ADCYAP1R1: variants seen among roughly 807,000 people sequenced by gnomAD.
ADCYAP1R1 encodes ADCYAP receptor type I.
Under a neutral mutation model 67.6 loss-of-function variants are expected in ADCYAP1R1, and 44 were observed. That is an observed-to-expected ratio of 0.65 (90% CI 0.51 to 0.84). The LOEUF is 0.84. Ranked by LOEUF, ADCYAP1R1 falls within the 40% of genes least tolerant of loss-of-function variation. The pLI, the probability that ADCYAP1R1 is intolerant of heterozygous loss-of-function variation, is 0.00. For synonymous variants in ADCYAP1R1, 222 were observed against 219.6 expected, an observed-to-expected ratio of 1.01 and a Z score of -0.10; for missense variants, 477 against 587.9, an observed-to-expected ratio of 0.81 and a Z score of 1.95.
chr7:31,088,038 C>G, intron 12 of ADCYAP1R1, among the ~76,000 whole-genome samples: 1 of 152,202 alleles, frequency 6.6e-6, no homozygotes, highest in South Asian at 2.1e-4. Flanking sequence ...TGCAAAAACC[C>G]TTTAACAATT....
intron 3 of ADCYAP1R1, among the ~76,000 whole-genome samples, chr7:31,075,291 C>T (rs1795162827): frequency 6.6e-6 from 1 of 152,190 alleles, no homozygotes; most frequent in African/African-American, 2.4e-5. Flanking sequence ...ATTCTGAGAG[C>T]TTTGCACGTA....
chr7:31,078,010 C>A lies in ADCYAP1R1; in HGVS notation c.177C>A (p.Asp59Glu), dbSNP rs1795347850. The change falls in exon 4 of 16, where the codon GAC becomes GAA. Residue 59 changes from aspartate (D) to glutamate (E), a missense_variant. Coordinates refer to ENST00000304166, the MANE Select transcript of ADCYAP1R1 (RefSeq NM_001118.5). ...DSSPGCPGMW[D>E]NITCWKPAHV... is the part of the protein sequence containing the mutation. ...CCACAGGCTGTCCTGGGATGTGGGA[C>A]AACATCACGTGTTGGAAGCCCGCCC... is the stretch of plus-strand genomic sequence containing the variant. 2 of 1,611,596 alleles carry A rather than the reference C, an allele frequency of 1.2e-6. No individual in the cohort carries two copies. The highest frequency in any genetic ancestry group is 1.1e-5 in the South Asian group (1 of 90,620).
At chr7:31,070,732 G>T (rs527534782) in intron 3 of ADCYAP1R1, among the ~76,000 whole-genome samples, 3 of 152,164 alleles carry the variant, frequency 2.0e-5, no homozygotes, top group African/African-American at 4.8e-5. Flanking sequence ...CGTGAAGTCT[G>T]GTCATTCTAA....
intron 13 of ADCYAP1R1, among the ~76,000 whole-genome samples, chr7:31,101,923 C>T (rs961854850): frequency 6.6e-6 from 1 of 152,216 alleles, no homozygotes; most frequent in African/African-American, 2.4e-5. Flanking sequence ...GGTGGACACC[C>T]ACACTCATGG....
At chr7:31,070,561 A>G (rs919736002) in intron 3 of ADCYAP1R1, among the ~76,000 whole-genome samples, 1 of 152,192 alleles carries the variant, frequency 6.6e-6, no homozygotes, top group African/African-American at 2.4e-5. Flanking sequence ...AGGCTTCCCC[A>G]TCCTTAGAGC....
intron 15 of ADCYAP1R1, 131 bp from the exon 16 acceptor site, chr7:31,106,365 G>C: frequency 1.8e-5 from 21 of 1,137,392 alleles, no homozygotes; most frequent in Non-Finnish European, 2.4e-5. Context: ...AGGGCCGCAG[G>C]CTGCAACTGG....
chr7:31,085,508 C>CTCCAAGGGGATGCGTCAGG, intron 9 of ADCYAP1R1, 66 bp downstream of exon 9: 1 of 1,535,770 alleles, frequency 6.5e-7, no homozygotes, highest in Non-Finnish European at 8.8e-7. Flanking sequence ...CCTTGGTTCC[C>CTCCAAGGGGATGCGTCAGG]CAGGACGCAC....
rs184024967 is a variant in ADCYAP1R1, at chr7:31,078,604, G to A, written c.265+506G>A. 3.8e-3 allele frequency among the ~76,000 whole-genome samples: 583 copies of A among 152,334 alleles called. 8 individuals carry two copies. The highest frequency in any genetic ancestry group is 0.017 in the East Asian group (89 of 5,182). On this transcript the variant is annotated intron_variant, in intron 4 of 15. Coordinates refer to ENST00000304166, the MANE Select transcript of ADCYAP1R1 (RefSeq NM_001118.5). Reference sequence around the variant, plus strand: ...ACACCCCCCTCAGGCAGAATGAGACGCGTGGGGAAGGCAGCTGGACACAAG... The same window carrying A: ...ACACCCCCCTCAGGCAGAATGAGACACGTGGGGAAGGCAGCTGGACACAAG...
At chr7:31,055,652 C>T (rs541326856) in intron 1 of ADCYAP1R1, among the ~76,000 whole-genome samples, 1 of 152,148 alleles carries the variant, frequency 6.6e-6, no homozygotes, top group Non-Finnish European at 1.5e-5. Context: ...ACTGGCCGTA[C>T]AAAAATAGGC....
chr7:31,059,549 C>T (rs1299752700), intron 1 of ADCYAP1R1, among the ~76,000 whole-genome samples: 2 of 152,138 alleles, frequency 1.3e-5, no homozygotes, highest in African/African-American at 4.8e-5. Context: ...GAGAGATCAA[C>T]CCTGGGCTGC....
At chr7:31,068,022 G>A (rs1794813955) in intron 3 of ADCYAP1R1, among the ~76,000 whole-genome samples, 1 of 152,172 alleles carries the variant, frequency 6.6e-6, no homozygotes, top group Admixed American at 6.5e-5. Context: ...AAGAGCAGGG[G>A]AGAAGTTAGG....
In ADCYAP1R1 at chr7:31,062,646, T is replaced by C. The variant is rs1794556325; in HGVS notation, c.-71-548T>C. On this transcript the variant is annotated intron_variant, in intron 1 of 15. Coordinates refer to ENST00000304166, the MANE Select transcript of ADCYAP1R1 (RefSeq NM_001118.5). ...CCTACCCACTCAGATACGGTTCACG[T>C]CCACACTGTCAAAGTGGGGTTTGTT... Among the ~76,000 whole-genome samples the C allele has an allele frequency of 5.3e-5, 8 of 152,128 alleles. 1 individual carries two copies. In the South Asian group the frequency reaches 1.7e-3, roughly 32 times the overall value.
chr7:31,105,020 C>G (rs1405462506), intron 15 of ADCYAP1R1, 111 bp downstream of exon 15: 1 of 1,129,562 alleles, frequency 8.9e-7, no homozygotes, highest in Admixed American at 1.7e-5. Flanking sequence ...GAGGGCTCTG[C>G]CAGGCTCCCA....
At position 31,085,459 on chromosome 7, in the gene ADCYAP1R1, G is replaced by C. The variant is rs772811188; in HGVS notation, c.669+17G>C. On this transcript the variant is annotated intron_variant, in intron 9 of 15. Coordinates refer to ENST00000304166, the MANE Select transcript of ADCYAP1R1 (RefSeq NM_001118.5). Reference sequence around the variant, plus strand: ...ATCTCCACTGTGAGTGAGCCAAGCAGACCCATTAGGGCTCTGCCGGGAAGG... The same window carrying C: ...ATCTCCACTGTGAGTGAGCCAAGCACACCCATTAGGGCTCTGCCGGGAAGG... 4 of 1,609,894 alleles carry C rather than the reference G, an allele frequency of 2.5e-6. No homozygotes were observed. The Admixed American group carries it at 6.7e-5, about 27-fold the overall frequency.
At chr7:31,100,921 C>G (rs946136031) in intron 13 of ADCYAP1R1, among the ~76,000 whole-genome samples, 1 of 152,210 alleles carries the variant, frequency 6.6e-6, no homozygotes, top group African/African-American at 2.4e-5. Context: ...TGATGCCCTT[C>G]TTGGTATTTT....
At chr7:31,060,180 C>T (rs970249698) in intron 1 of ADCYAP1R1, among the ~76,000 whole-genome samples, 1 of 152,176 alleles carries the variant, frequency 6.6e-6, no homozygotes, top group Non-Finnish European at 1.5e-5. Context: ...TGAGAAGCTG[C>T]CCTTCCCACA....
chr7:31,063,916 A>G (rs73309771), intron 2 of ADCYAP1R1, among the ~76,000 whole-genome samples: 11,222 of 152,260 alleles, frequency 0.074, 1,366 homozygotes, highest in African/African-American at 0.25. Flanking sequence ...GGATTGGACT[A>G]TGTCCCCAAA....
intron 11 of ADCYAP1R1, 135 bp downstream of exon 11, chr7:31,087,138 C>A: frequency 9.7e-7 from 1 of 1,031,808 alleles, no homozygotes; most frequent in Non-Finnish European, 1.4e-6. Flanking sequence ...AAGCCCAGCA[C>A]TGGGCACCAC....
chr7:31,084,032 T>C, intron 6 of ADCYAP1R1, 109 bp from the exon 7 acceptor site: 1 of 835,060 alleles, frequency 1.2e-6, no homozygotes, highest in Admixed American at 2.2e-5. Flanking sequence ...GCTTCCCAGT[T>C]GGTCATAGGG....
Sources: gnomAD v4.1 joint callset for allele counts (sites outside exome capture counted in the v4.1 genomes callset) on GRCh38, gnomAD v4.1.1 for gene constraint, MANE v1.5 for transcripts, NCBI Gene and HGNC (gene_info 2026-07-23, HGNC 2026-07-21) for gene names.